Variants in SLIT3 observed in about 807,000 individuals in gnomAD.
SLIT3 encodes slit guidance ligand 3, also known as slit homolog 3 protein.
Under a neutral mutation model 184.0 loss-of-function variants are expected in SLIT3, and 68 were observed. That is an observed-to-expected ratio of 0.37 (90% CI 0.30 to 0.45). The LOEUF (loss-of-function observed/expected upper bound fraction) is 0.45. Ranked by LOEUF, SLIT3 falls within the 20% of genes least tolerant of loss-of-function variation. SLIT3 has a pLI of 1.00. For synonymous variants in SLIT3, 831 were observed against 828.6 expected, an observed-to-expected ratio of 1.00 and a Z score of -0.05; for missense variants, 1,707 against 2,026.0, an observed-to-expected ratio of 0.84 and a Z score of 3.02.
chr5:169,082,777 T>C (rs1759122966), intron 4 of SLIT3, among the ~76,000 whole-genome samples: 1 of 152,226 alleles, frequency 6.6e-6, no homozygotes, highest in Non-Finnish European at 1.5e-5. Flanking sequence ...GTAAGAGCCA[T>C]TGTTTATCTT....
intron 1 of SLIT3, among the ~76,000 whole-genome samples, chr5:169,264,155 G>A (rs1766310914): frequency 1.3e-5 from 2 of 151,982 alleles, no homozygotes; most frequent in Non-Finnish European, 2.9e-5. Context: ...TCAAGACTCT[G>A]GAATTTTAGC....
At chr5:168,998,742 A>AACAGAACAAAACAAAAGAAAT (rs771607843) in intron 4 of SLIT3, among the ~76,000 whole-genome samples, 10 of 152,016 alleles carry the variant, frequency 6.6e-5, no homozygotes, top group African/African-American at 1.4e-4. Context: ...ACAAAACAAA[A>AACAGAACAAAACAAAAGAAAT]GGCCATTGAA....
chr5:168,950,730 G>A (rs753083229), intron 4 of SLIT3, among the ~76,000 whole-genome samples: 11 of 152,156 alleles, frequency 7.2e-5, no homozygotes, highest in Non-Finnish European at 1.0e-4. Flanking sequence ...ACATTACCAC[G>A]TAAGGATGTG....
At chr5:169,142,605 C>T (rs1242514053) in intron 4 of SLIT3, among the ~76,000 whole-genome samples, 1 of 152,210 alleles carries the variant, frequency 6.6e-6, no homozygotes, top group Non-Finnish European at 1.5e-5. Context: ...CTGGCACTTG[C>T]ATGGCTGGCC....
At chr5:168,907,745 T>TATTTCTTTCAG (rs1761100512) in intron 4 of SLIT3, among the ~76,000 whole-genome samples, 1 of 151,990 alleles carries the variant, frequency 6.6e-6, no homozygotes, top group Non-Finnish European at 1.5e-5. Context: ...ATATTTTGCT[T>TATTTCTTTCAG]ATTTCTTTCA....
At chr5:168,825,181 T>C (rs1362844109) in intron 6 of SLIT3, among the ~76,000 whole-genome samples, 1 of 152,132 alleles carries the variant, frequency 6.6e-6, no homozygotes, top group Non-Finnish European at 1.5e-5. Flanking sequence ...GTTACTGACA[T>C]TCATGGAGAG....
intron 1 of SLIT3, among the ~76,000 whole-genome samples, chr5:169,272,103 G>A (rs1369495546): frequency 6.6e-6 from 1 of 152,230 alleles, no homozygotes; most frequent in African/African-American, 2.4e-5. Context: ...TAAGGGGGCT[G>A]GGGATCTGAC....
At chr5:168,761,926 T>TTTC (rs1468630199) in intron 15 of SLIT3, among the ~76,000 whole-genome samples, 1 of 148,510 alleles carries the variant, frequency 6.7e-6, no homozygotes, top group African/African-American at 2.5e-5. Flanking sequence ...AAAAAATTTT[T>TTTC]TTTTTTTTTT....
In SLIT3 at chr5:169,202,688, A is replaced by ATAT. The variant is rs569350872; in HGVS notation, c.342-9139_342-9138insATA. Among the ~76,000 whole-genome samples the ATAT allele has an allele frequency of 3.9e-3, 586 of 152,204 alleles. 9 individuals carry two copies. The highest frequency in any genetic ancestry group is 9.6e-4 in the Non-Finnish European group (65 of 68,008). On this transcript the variant is annotated intron_variant, in intron 3 of 35. Transcript: ENST00000519560. ...GAGAGTCTCAGGAAATCCTTGCCCT[A>ATAT]TTTATGTGGTTATAGAGAACTCTGG...
intron 21 of SLIT3, among the ~76,000 whole-genome samples, chr5:168,723,341 C>T (rs1240992462): frequency 6.6e-6 from 1 of 151,596 alleles, no homozygotes; most frequent in Non-Finnish European, 1.5e-5. Context: ...TTCCTCCCTC[C>T]CACCATCCAT....
Position 168,798,208 on chromosome 5 carries a change from TTTC to T in SLIT3, c.936-2633_936-2631del, listed in dbSNP as rs58233644. Among the ~76,000 whole-genome samples the T allele has an allele frequency of 8.6e-3, 1,105 of 127,768 alleles. 56 individuals are homozygous for T. The highest frequency in any genetic ancestry group is 0.011 in the African/African-American group (331 of 29,058). 83.8% of individuals were successfully genotyped at this position (127,768 alleles called of 152,430 possible). On this transcript the variant is annotated intron_variant, in intron 9 of 35. Coordinates refer to ENST00000519560, the MANE Select transcript of SLIT3 (RefSeq NM_003062.4). Reference sequence around the variant, plus strand: ...TGCTCACTCTGGCTTTTGGTTTTCTTTTCTTCTTCTTCTTCTTTTTTTTTTTTT... The same window carrying T: ...TGCTCACTCTGGCTTTTGGTTTTCTTTTCTTCTTCTTCTTTTTTTTTTTTT...
intron 3 of SLIT3, among the ~76,000 whole-genome samples, chr5:169,209,781 C>T (rs1367901758): frequency 2.0e-5 from 3 of 152,016 alleles, no homozygotes; most frequent in Non-Finnish European, 4.4e-5. Context: ...GAACCTCACA[C>T]ACCAGGATCT....
intron 4 of SLIT3, among the ~76,000 whole-genome samples, chr5:169,121,146 G>C (rs898232076): frequency 1.3e-5 from 2 of 152,068 alleles, no homozygotes; most frequent in Non-Finnish European, 2.9e-5. Flanking sequence ...AGGACTCTTC[G>C]ATATGGTCAT....
intron 4 of SLIT3, among the ~76,000 whole-genome samples, chr5:169,007,354 A>T (rs186882102): frequency 4.3e-4 from 66 of 152,338 alleles, no homozygotes; most frequent in Non-Finnish European, 1.5e-4. Context: ...ATGTTTTCCT[A>T]GTCTGTCATC....
At chr5:168,743,018 GCTACCGGAGAGGCTAAGCCAGGAAAA>G (rs1763684330) in intron 20 of SLIT3, among the ~76,000 whole-genome samples, 1 of 152,112 alleles carries the variant, frequency 6.6e-6, no homozygotes, top group Admixed American at 6.5e-5. Context: ...TGTAGTCCCA[GCTACCGGAGAGGCTAAGCCAGGAAAA>G]TGGCATGAAC....
chr5:168,788,148 A>C (rs1392099893), intron 11 of SLIT3, among the ~76,000 whole-genome samples: 3 of 152,026 alleles, frequency 2.0e-5, no homozygotes, highest in African/African-American at 7.2e-5. Flanking sequence ...GGGAAACCAG[A>C]CAAGGGAAGA....
intron 4 of SLIT3, among the ~76,000 whole-genome samples, chr5:168,982,959 G>C (rs998809956): frequency 2.6e-5 from 4 of 152,120 alleles, no homozygotes; most frequent in Non-Finnish European, 2.9e-5. Flanking sequence ...TATCCCCATG[G>C]TCCCTTGTTG....
At chr5:169,174,170 G>T (rs1402777445) in intron 4 of SLIT3, among the ~76,000 whole-genome samples, 1 of 152,210 alleles carries the variant, frequency 6.6e-6, no homozygotes, top group African/African-American at 2.4e-5. Flanking sequence ...TGAGCCTGGG[G>T]TCTTTCGGGC....
rs141548947 is a variant in SLIT3 at position 168,674,489 on chromosome 5, C to CTTTTTT, written c.3687-1164_3687-1159dup. ...AAATGTTTTGGTTATGGGATATTCA[C>CTTTTTT]TTTTTTTTTTTTTTTTTTTTGAGAT... On this transcript the variant is annotated intron_variant, in intron 32 of 35. Transcript: ENST00000519560. Among the ~76,000 whole-genome samples the CTTTTTT allele has an allele frequency of 8.7e-3, 1,046 of 119,846 alleles. 32 individuals carry two copies. Among genetic ancestry groups the CTTTTTT allele is most frequent in the African/African-American group, 0.032 (995 of 31,246 alleles). The allele number at this position is 119,846 out of a possible 152,430, so 78.6% of individuals were successfully genotyped here.
Sources: allele counts gnomAD v4.1 joint callset (sites outside exome capture counted in the v4.1 genomes callset), GRCh38; gene constraint gnomAD v4.1.1; transcripts MANE v1.5; gene names NCBI Gene and HGNC (gene_info 2026-07-23, HGNC 2026-07-21).